The following OR4K17 variants were observed in gnomAD, a reference collection of about 807,000 sequenced individuals.
The protein encoded by OR4K17 is olfactory receptor 4K17.
For missense variants in OR4K17, 480 were observed against 366.3 expected, an observed-to-expected ratio of 1.31 and a Z score of -2.53; for synonymous variants, 157 against 132.8, an observed-to-expected ratio of 1.18 and a Z score of -1.25.
intron 1 of OR4K17, among the ~76,000 whole-genome samples, chr14:20,114,461 T>G (rs1426030302): frequency 1.3e-5 from 2 of 152,028 alleles, no homozygotes; most frequent in Non-Finnish European, 2.9e-5. Flanking sequence ...CATATCCAAT[T>G]TTTCTAGTAT....
chr14:20,120,044 CAG>C lies in OR4K17; in HGVS notation c.*1610_*1611del, dbSNP rs1878125105. 2 of 152,242 alleles carry C rather than the reference CAG, an allele frequency of 1.3e-5. No homozygotes were observed. The highest frequency in any genetic ancestry group is 4.2e-4 in the South Asian group (2 of 4,818). The allele number at this position is 152,242 out of a possible 1,614,324, so 9.4% of individuals were successfully genotyped here. On this transcript the variant is annotated 3_prime_UTR_variant, in exon 2 of 2. Coordinates refer to ENST00000641386, the MANE Select transcript of OR4K17 (RefSeq NM_001004715.5). ...ATGTTGACTGAGTTATAAAAGGTGT[CAG>C]AGACTCACTTGTCCTTCAGAGGAGC...
chr14:20,114,649 C>T (rs1275054140), intron 1 of OR4K17, among the ~76,000 whole-genome samples: 3 of 152,038 alleles, frequency 2.0e-5, no homozygotes, highest in Non-Finnish European at 4.4e-5. Flanking sequence ...GAATTTCCCA[C>T]CCATTACCTC....
chr14:20,112,443 G>A (rs923069746), intron 1 of OR4K17, among the ~76,000 whole-genome samples: 13 of 152,010 alleles, frequency 8.6e-5, no homozygotes, highest in Admixed American at 5.3e-4. Context: ...ACATTCAAAA[G>A]GCAGGTAAGC....
At chr14:20,114,321 T>A (rs1877941692) in intron 1 of OR4K17, among the ~76,000 whole-genome samples, 1 of 151,996 alleles carries the variant, frequency 6.6e-6, no homozygotes. Flanking sequence ...TCATGCATAT[T>A]TTCTCCCTTC....
Position 20,118,446 on chromosome 14 carries a change from A to C in OR4K17, c.*8A>C, listed in dbSNP as rs1041548647. ...TCTAGAGAAGATACTTAGATTAAAA[A>C]TATAATGGTAGAGGCCGGGCATGGT... is the stretch of plus-strand genomic sequence containing the variant. On this transcript the variant is annotated 3_prime_UTR_variant, in exon 2 of 2. Transcript: ENST00000641386. 2 of 1,542,172 alleles carry C rather than the reference A, an allele frequency of 1.3e-6. No individual in the cohort carries two copies. The highest frequency in any genetic ancestry group is 4.5e-5 in the East Asian group (2 of 44,474).
chr14:20,112,356 C>T (rs1877900221), intron 1 of OR4K17, among the ~76,000 whole-genome samples: 1 of 152,010 alleles, frequency 6.6e-6, no homozygotes, highest in South Asian at 2.1e-4. Flanking sequence ...TCCTCCTTAA[C>T]AAGGAAAGGG....
Position 20,117,790 on chromosome 14 carries a change from C to T in OR4K17, c.291C>T (p.Cys97=), listed in dbSNP as rs1283528440. The change falls in exon 2 of 2, where the codon TGC becomes TGT. Residue 97 remains cysteine (C), a synonymous_variant. Coordinates refer to ENST00000641386, the MANE Select transcript of OR4K17 (RefSeq NM_001004715.5). The part of the protein sequence containing the change: ...KKQKVISFAG[C]FTQIFLLHLL... ...AGAAGGTAATTTCTTTTGCTGGGTG[C>T]TTCACTCAGATATTTCTCCTTCACT... The T allele has an allele frequency of 6.2e-7, 1 of 1,614,068 alleles. No homozygotes were observed. The highest frequency in any genetic ancestry group is 8.5e-7 in the Non-Finnish European group (1 of 1,180,004).
At position 20,112,926 on chromosome 14, in the gene OR4K17, G is replaced by A. The variant is rs147041643; in HGVS notation, c.-33+2034G>A. 5.6e-4 allele frequency among the ~76,000 whole-genome samples: 85 copies of A among 152,090 alleles called. 1 individual carries two copies. The Middle Eastern group carries it at 0.02, about 37-fold the overall frequency. On this transcript the variant is annotated intron_variant, in intron 1 of 1. Coordinates refer to ENST00000641386, the MANE Select transcript of OR4K17 (RefSeq NM_001004715.5). ...TGAAAAATAATTAAACTTGTATTATGCAAAATGCTGTAGGCATCCAAGTGT... is the reference window on the plus strand; with the variant it reads ...TGAAAAATAATTAAACTTGTATTATACAAAATGCTGTAGGCATCCAAGTGT...
In OR4K17 at chr14:20,121,354, C is replaced by G. The variant is rs1432074079; in HGVS notation, c.*2916C>G. 1 of 152,074 alleles carries G rather than the reference C, an allele frequency of 6.6e-6. No homozygotes were observed. The highest frequency in any genetic ancestry group is 1.5e-5 in the Non-Finnish European group (1 of 67,996). 9.4% of individuals were successfully genotyped at this position (152,074 alleles called of 1,614,324 possible). ...ATACAGGGAAATAATTCAACAAAAT[C>G]AAGCAAACAACAAACAAAAAAATGG... is the stretch of plus-strand genomic sequence containing the variant. On this transcript the variant is annotated 3_prime_UTR_variant, in exon 2 of 2. Coordinates refer to ENST00000641386, the MANE Select transcript of OR4K17 (RefSeq NM_001004715.5).
In OR4K17 at chr14:20,117,585, C is replaced by A. The variant is rs776262554; in HGVS notation, c.86C>A (p.Ala29Asp). The A allele has an allele frequency of 2.5e-6, 4 of 1,613,918 alleles. No homozygotes were observed. The Admixed American group carries it at 6.7e-5, about 27-fold the overall frequency. ...SSQDVEFLLF[A>D]LFSVIYVVTV... ...CAGGATGTAGAGTTTCTTCTCTTTGCCCTCTTCTCGGTTATCTATGTGGTC... is the reference window on the plus strand; with the variant it reads ...CAGGATGTAGAGTTTCTTCTCTTTGACCTCTTCTCGGTTATCTATGTGGTC... The change falls in exon 2 of 2, where the codon GCC (alanine) becomes GAC (aspartate). Residue 29 changes from alanine (A) to aspartate (D), a missense_variant. Transcript: ENST00000641386.
rs992316019 is a variant in OR4K17, at chr14:20,120,784, A to G, written c.*2346A>G. 2 of 152,344 alleles carry G rather than the reference A, an allele frequency of 1.3e-5. No homozygotes were observed. The highest frequency in any genetic ancestry group is 1.3e-4 in the Admixed American group (2 of 15,262). 9.4% of individuals were successfully genotyped at this position (152,344 alleles called of 1,614,324 possible). ...TCCCCTAGGGTACCCCTCGTCAGAC[A>G]TTTATGCCAAAACCACCACAAGCAG... On this transcript the variant is annotated 3_prime_UTR_variant, in exon 2 of 2. Coordinates refer to ENST00000641386, the MANE Select transcript of OR4K17 (RefSeq NM_001004715.5).
chr14:20,111,979 G>C (rs375827478), intron 1 of OR4K17: 2 of 151,974 alleles, frequency 1.3e-5, no homozygotes, highest in African/African-American at 4.8e-5. Flanking sequence ...ATGGTAAATC[G>C]GCTTGGAGAA....
chr14:20,116,038 G>A (rs532715821), intron 1 of OR4K17, among the ~76,000 whole-genome samples: 1 of 152,174 alleles, frequency 6.6e-6, no homozygotes, highest in South Asian at 2.1e-4. Context: ...TTAAAAACAG[G>A]CCTATGAAGT....
rs1372885381 is a variant in OR4K17 at position 20,118,171 on chromosome 14, C to T, written c.672C>T (p.Thr224=). Residue 224 remains threonine (T), a synonymous_variant, in exon 2 of 2, where the codon ACC becomes ACT. Transcript: ENST00000641386. The stretch of plus-strand genomic sequence containing the variant: ...TCTCCTACAGTCTGATCCTCATAAC[C>T]ATTAAGAACCACTCTCCTACTGGGC... ...LLISYSLILI[T]IKNHSPTGQS... 37 of 1,614,004 alleles carry T rather than the reference C, an allele frequency of 2.3e-5. No homozygotes were observed. The highest frequency in any genetic ancestry group is 3.1e-5 in the Non-Finnish European group (37 of 1,180,002).
At chr14:20,114,089 T>C (rs1480654597) in intron 1 of OR4K17, among the ~76,000 whole-genome samples, 1 of 152,008 alleles carries the variant, frequency 6.6e-6, no homozygotes, top group Non-Finnish European at 1.5e-5. Context: ...CAAATGGCTA[T>C]TCTACAAAGG....
intron 1 of OR4K17, among the ~76,000 whole-genome samples, chr14:20,114,437 TA>T (rs1446939767): frequency 6.6e-6 from 1 of 152,082 alleles, no homozygotes. Context: ...CTTAATTTTT[TA>T]CCCATTGTTT....
intron 1 of OR4K17, among the ~76,000 whole-genome samples, chr14:20,116,685 A>G (rs1210142780): frequency 2.6e-5 from 4 of 152,174 alleles, no homozygotes; most frequent in Non-Finnish European, 5.9e-5. Flanking sequence ...CTTCCTCTGT[A>G]ATATGTGGCT....
chr14:20,117,550 G>A lies in OR4K17; in HGVS notation c.51G>A (p.Leu17=), dbSNP rs755197204. 2 of 1,613,946 alleles carry A rather than the reference G, an allele frequency of 1.2e-6. No homozygotes were observed. Among genetic ancestry groups the A allele is most frequent in the South Asian group, 2.2e-5 (2 of 91,054 alleles). The change falls in exon 2 of 2, where the codon CTG becomes CTA. Residue 17 remains leucine (L), a synonymous_variant. Coordinates refer to ENST00000641386, the MANE Select transcript of OR4K17 (RefSeq NM_001004715.5). ...TGTCAGAATTCATTTTGCTGGGACTGACCAGCTCCCAGGATGTAGAGTTTC... is the reference window on the plus strand; with the variant it reads ...TGTCAGAATTCATTTTGCTGGGACTAACCAGCTCCCAGGATGTAGAGTTTC... The part of the protein sequence containing the change: ...SQVSEFILLG[L]TSSQDVEFLL...
chr14:20,116,522 T>G (rs527694675), intron 1 of OR4K17, among the ~76,000 whole-genome samples: 5 of 152,284 alleles, frequency 3.3e-5, no homozygotes, highest in Admixed American at 2.0e-4. Flanking sequence ...GGAGTTCTAG[T>G]GAAGACTAGG....
Sources: gnomAD v4.1 joint callset for allele counts (sites outside exome capture counted in the v4.1 genomes callset) on GRCh38, gnomAD v4.1.1 for gene constraint, MANE v1.5 for transcripts, NCBI Gene and HGNC (gene_info 2026-07-23, HGNC 2026-07-21) for gene names.